Variants in SPOCK3 observed in about 807,000 individuals in gnomAD.
SPOCK3 encodes SPARC (osteonectin), cwcv and kazal like domains proteoglycan 3.
In SPOCK3, 30 loss-of-function variants were observed where a neutral mutation model predicts 56.6. The observed-to-expected ratio is 0.53, with a 90% CI of 0.40 to 0.72. The LOEUF (loss-of-function observed/expected upper bound fraction) is 0.72, where lower values mean the gene tolerates loss of function less well. SPOCK3 is among the 30% of genes least tolerant of loss of function. The pLI is 0.00. For synonymous variants in SPOCK3, 196 were observed against 183.3 expected (o/e 1.07, Z -0.56); for missense variants, 527 against 530.0 (o/e 0.99, Z 0.06).
chr4:167,094,576 C>T (rs112970833), intron 2 of SPOCK3, among the ~76,000 whole-genome samples: 1 of 151,980 alleles, frequency 6.6e-6, no homozygotes, highest in Admixed American at 6.6e-5. Flanking sequence ...CCATTATATT[C>T]ATAATGTGAA....
chr4:167,000,472 A>T lies in SPOCK3; in HGVS notation c.236-9T>A, dbSNP rs756671647. On this transcript the variant is annotated splice_polypyrimidine_tract_variant and intron_variant, in intron 3 of 10. Coordinates refer to ENST00000357545, the MANE Select transcript of SPOCK3 (RefSeq NM_001040159.2). Reference sequence around the variant, plus strand: ...CTTAGCTGGATCTAAAGCTAAAAAAATTGCAAAGAAAATATTAAAATAAGC... The same window carrying T: ...CTTAGCTGGATCTAAAGCTAAAAAATTTGCAAAGAAAATATTAAAATAAGC... 13 of 1,409,654 alleles carry T rather than the reference A, an allele frequency of 9.2e-6. No individual in the cohort carries two copies. The highest frequency in any genetic ancestry group is 4.3e-5 in the African/African-American group (3 of 69,096). The allele number at this position is 1,409,654 out of a possible 1,614,324, so 87.3% of individuals were successfully genotyped here.
intron 6 of SPOCK3, among the ~76,000 whole-genome samples, chr4:166,854,991 C>A (rs530414466): frequency 6.6e-6 from 1 of 152,176 alleles, no homozygotes; most frequent in Non-Finnish European, 1.5e-5. Context: ...TCCCGCCCCA[C>A]TGCCTGTCTC....
intron 6 of SPOCK3, among the ~76,000 whole-genome samples, chr4:166,842,075 C>T (rs186324055): frequency 1.3e-5 from 2 of 152,050 alleles, no homozygotes; most frequent in South Asian, 2.1e-4. Flanking sequence ...TTCATTCCTC[C>T]GGGTGGGTTT....
chr4:166,739,562 T>C (rs1180541925), intron 9 of SPOCK3, among the ~76,000 whole-genome samples: 1 of 152,104 alleles, frequency 6.6e-6, no homozygotes, highest in African/African-American at 2.4e-5. Flanking sequence ...TTTATATCTA[T>C]AAAATCTAAC....
chr4:167,035,540 T>A (rs1752669251), intron 3 of SPOCK3, among the ~76,000 whole-genome samples: 1 of 152,142 alleles, frequency 6.6e-6, no homozygotes, highest in Non-Finnish European at 1.5e-5. Flanking sequence ...CACATCTCCA[T>A]GGATTAACCA....
In SPOCK3 at chr4:166,855,203, A is replaced by G. The variant is rs1353608317; in HGVS notation, c.589+33927T>C. Among the ~76,000 whole-genome samples, 3 of 152,142 alleles carry G rather than the reference A, an allele frequency of 2.0e-5. No individual in the cohort carries two copies. In the East Asian group the frequency reaches 5.8e-4, roughly 29 times the overall value. On this transcript the variant is annotated intron_variant, in intron 6 of 10. Transcript: ENST00000357545. ...AAAAGTTTCCCCCTGACCCCCCAAC[A>G]ATCAGCTCAGCACTTCTCACACAAA...
chr4:167,138,133 A>G (rs1763265669), intron 2 of SPOCK3, among the ~76,000 whole-genome samples: 1 of 151,780 alleles, frequency 6.6e-6, no homozygotes, highest in Non-Finnish European at 1.5e-5. Context: ...GTGATGTTAG[A>G]TAACTAGAAT....
chr4:166,871,940 A>G (rs963104817), intron 6 of SPOCK3, among the ~76,000 whole-genome samples: 30 of 151,562 alleles, frequency 2.0e-4, no homozygotes, highest in Non-Finnish European at 3.2e-4. Flanking sequence ...GAGCATACCA[A>G]TTGAGGCAGA....
At chr4:166,851,721 T>C (rs1226827602) in intron 6 of SPOCK3, among the ~76,000 whole-genome samples, 10 of 151,814 alleles carry the variant, frequency 6.6e-5, no homozygotes, top group Admixed American at 5.9e-4. Flanking sequence ...AGTTCAACCA[T>C]TGTGGAAGTC....
At chr4:166,769,500 T>G (rs966565730) in intron 7 of SPOCK3, among the ~76,000 whole-genome samples, 1 of 152,178 alleles carries the variant, frequency 6.6e-6, no homozygotes, top group Admixed American at 6.5e-5. Flanking sequence ...TGCAGAACAG[T>G]GAATATTGCT....
intron 2 of SPOCK3, among the ~76,000 whole-genome samples, chr4:167,217,326 G>A (rs1735460145): frequency 1.3e-5 from 2 of 151,908 alleles, no homozygotes; most frequent in African/African-American, 4.8e-5. Flanking sequence ...AAGAATGGAT[G>A]GTTGCCTCTC....
intron 4 of SPOCK3, among the ~76,000 whole-genome samples, chr4:166,920,321 T>A (rs568606094): frequency 6.6e-6 from 1 of 152,288 alleles, no homozygotes; most frequent in East Asian, 1.9e-4. Context: ...CTGGAGAGTA[T>A]ACCTCCTGGC....
At chr4:167,109,453 T>C (rs1160094769) in intron 2 of SPOCK3, among the ~76,000 whole-genome samples, 2 of 107,916 alleles carry the variant, frequency 1.9e-5, no homozygotes, top group Non-Finnish European at 3.5e-5. Flanking sequence ...TTTATATTTA[T>C]ATACATATAT....
intron 6 of SPOCK3, among the ~76,000 whole-genome samples, chr4:166,839,068 G>T (rs1377286879): frequency 6.6e-6 from 1 of 152,122 alleles, no homozygotes; most frequent in East Asian, 1.9e-4. Flanking sequence ...TTGTTGGAAT[G>T]ATGAGCAGCT....
intron 4 of SPOCK3, among the ~76,000 whole-genome samples, chr4:166,931,337 TG>T (rs34413695): frequency 2.2e-4 from 23 of 104,582 alleles, no homozygotes; most frequent in South Asian, 5.3e-4. Flanking sequence ...GTGTGGGGGG[TG>T]GGGGGGCAAG....
At chr4:166,872,377 T>C (rs913197239) in intron 6 of SPOCK3, among the ~76,000 whole-genome samples, 1 of 152,214 alleles carries the variant, frequency 6.6e-6, no homozygotes, top group African/African-American at 2.4e-5. Flanking sequence ...CGTTGCAGGA[T>C]ATAAAGTGAG....
At chr4:166,938,095 A>C (rs1261069189) in intron 4 of SPOCK3, among the ~76,000 whole-genome samples, 1 of 151,926 alleles carries the variant, frequency 6.6e-6, no homozygotes, top group Non-Finnish European at 1.5e-5. Flanking sequence ...CCCAGCCATG[A>C]GTTTGTATTT....
At chr4:167,227,225 C>T (rs996483107) in intron 2 of SPOCK3, among the ~76,000 whole-genome samples, 5 of 152,078 alleles carry the variant, frequency 3.3e-5, no homozygotes, top group Non-Finnish European at 4.4e-5. Context: ...AAACTGGACA[C>T]GACAGCTTAG....
At chr4:166,895,347 G>C (rs1316329592) in intron 5 of SPOCK3, among the ~76,000 whole-genome samples, 1 of 151,942 alleles carries the variant, frequency 6.6e-6, no homozygotes. Context: ...AGAATAGAAG[G>C]TCATGAGTAT....
Sources: gnomAD v4.1 joint callset for allele counts (sites outside exome capture counted in the v4.1 genomes callset) on GRCh38, gnomAD v4.1.1 for gene constraint, MANE v1.5 for transcripts, NCBI Gene and HGNC (gene_info 2026-07-23, HGNC 2026-07-21) for gene names.